The following PTCHD4 variants were observed in gnomAD, a reference collection of about 807,000 sequenced individuals.
PTCHD4 encodes patched domain containing 4, also known as patched domain-containing protein 4.
Under a neutral mutation model 58.1 loss-of-function variants are expected in PTCHD4, and 33 were observed. That is an observed-to-expected ratio of 0.57 (90% confidence interval 0.43 to 0.76). The LOEUF (loss-of-function observed/expected upper bound fraction) is 0.76. PTCHD4 is among the 30% of genes least tolerant of loss of function. The pLI is 0.00. For missense variants in PTCHD4, 1,058 were observed against 1,027.1 expected (o/e 1.03, Z -0.41); for synonymous variants, 478 against 409.6 (o/e 1.17, Z -2.02).
At chr6:48,104,683 C>T (rs141187842) in intron 1 of PTCHD4, among the ~76,000 whole-genome samples, 1 of 152,146 alleles carries the variant, frequency 6.6e-6, no homozygotes, top group Non-Finnish European at 1.5e-5. Flanking sequence ...CAAGACCCAT[C>T]AGTGTGCTGT....
chr6:47,983,550 A>G (rs1383984195), intron 4 of PTCHD4, among the ~76,000 whole-genome samples: 1 of 152,188 alleles, frequency 6.6e-6, no homozygotes, highest in Non-Finnish European at 1.5e-5. Context: ...AATAACTAAG[A>G]TTTCCAAGTT....
intron 1 of PTCHD4, among the ~76,000 whole-genome samples, chr6:48,086,940 T>G (rs927330867): frequency 6.6e-6 from 1 of 152,180 alleles, no homozygotes; most frequent in Non-Finnish European, 1.5e-5. Flanking sequence ...ATAATGCCTT[T>G]AGTTACTATT....
At chr6:47,965,677 C>T (rs1249390426) in intron 4 of PTCHD4, among the ~76,000 whole-genome samples, 1 of 152,130 alleles carries the variant, frequency 6.6e-6, no homozygotes, top group Non-Finnish European at 1.5e-5. Flanking sequence ...ACCTGTAATT[C>T]CAGCACTTTG....
intron 1 of PTCHD4, among the ~76,000 whole-genome samples, chr6:48,107,854 T>G (rs1165992914): frequency 6.6e-6 from 1 of 152,222 alleles, no homozygotes; most frequent in Non-Finnish European, 1.5e-5. Flanking sequence ...GAAAAAATGT[T>G]CATCATCACT....
intron 4 of PTCHD4, among the ~76,000 whole-genome samples, chr6:47,919,804 G>A (rs1034322597): frequency 6.0e-4 from 92 of 152,170 alleles, no homozygotes; most frequent in South Asian, 2.1e-4. Flanking sequence ...AACAATTCTC[G>A]GTGTTCACTA....
intron 4 of PTCHD4, among the ~76,000 whole-genome samples, chr6:47,948,591 G>T (rs1285229971): frequency 3.9e-5 from 6 of 152,092 alleles, no homozygotes; most frequent in Non-Finnish European, 8.8e-5. Context: ...ATAAGAGAGG[G>T]AGCTGAAATT....
intron 3 of PTCHD4, among the ~76,000 whole-genome samples, chr6:48,009,556 C>T (rs76375889): frequency 0.06 from 9,191 of 152,250 alleles, 380 homozygotes; most frequent in African/African-American, 0.11. Flanking sequence ...GTACACTAAT[C>T]TTTCTAGGGT....
chr6:47,866,362 A>G lies in PTCHD4; in HGVS notation c.*11941T>C, dbSNP rs1763563106. On this transcript the variant is annotated 3_prime_UTR_variant, in exon 5 of 5. Transcript: ENST00000339488. The stretch of plus-strand genomic sequence containing the variant: ...GATATATTGATTTAAGTAGTCTGGC[A>G]TGAAGTCTGGGCATTGAGACTTTAA... 6.6e-6 allele frequency among the ~76,000 whole-genome samples: 1 copy of G among 151,924 alleles called. No individual in the cohort carries two copies. Among genetic ancestry groups the G allele is most frequent in the Non-Finnish European group, 1.5e-5 (1 of 67,892 alleles).
intron 4 of PTCHD4, among the ~76,000 whole-genome samples, chr6:48,007,930 G>A (rs545431064): frequency 2.0e-3 from 82 of 41,036 alleles, no homozygotes; most frequent in African/African-American, 9.6e-3. Flanking sequence ...GAATATGTGC[G>A]CGCGCGCACA....
chr6:47,945,016 C>A lies in PTCHD4; in HGVS notation c.898+63618G>T, dbSNP rs192656543. ...ATCATCAGTATAAGTAGATGCTAAG[C>A]AGGTGATAAAAATAAAGTGCCAAAT... is the stretch of plus-strand genomic sequence containing the variant. On this transcript the variant is annotated intron_variant, in intron 4 of 4. Coordinates refer to ENST00000339488, the MANE Select transcript of PTCHD4 (RefSeq NM_001384253.1). 2.3e-3 allele frequency among the ~76,000 whole-genome samples: 353 copies of A among 152,074 alleles called. 1 individual carries two copies. The highest frequency in any genetic ancestry group is 8.2e-3 in the African/African-American group (342 of 41,520).
Position 47,874,938 on chromosome 6 carries a change from A to T in PTCHD4, c.*3365T>A, listed in dbSNP as rs1046809379. Among the ~76,000 whole-genome samples, 1 of 151,830 alleles carries T rather than the reference A, an allele frequency of 6.6e-6. No homozygotes were observed. Among genetic ancestry groups the T allele is most frequent in the Non-Finnish European group, 1.5e-5 (1 of 67,844 alleles). On this transcript the variant is annotated 3_prime_UTR_variant, in exon 5 of 5. Transcript: ENST00000339488. ...TAAACGGTAAAAAATCTTTTAGCTG[A>T]TCTCTCTGTAATTTAGGTGAGTACC...
rs1763947307 is a variant in PTCHD4, at chr6:47,879,332, A to G, written c.1503T>C (p.Tyr501=). 6.2e-7 allele frequency: 1 copy of G among 1,613,280 alleles called. No individual in the cohort carries two copies. Among genetic ancestry groups the G allele is most frequent in the Non-Finnish European group, 8.5e-7 (1 of 1,179,602 alleles). The part of the protein sequence containing the change: ...LLASDSPSVS[Y]AMVQQKYFSN... ...TGAAATATTTCTGCTGAACCATGGC[A>G]TAGGAAACACTTGGCGAATCACTGG... The change falls in exon 5 of 5, where the codon TAT becomes TAC. Residue 501 remains tyrosine, a synonymous_variant. Coordinates refer to ENST00000339488, the MANE Select transcript of PTCHD4 (RefSeq NM_001384253.1).
intron 3 of PTCHD4, among the ~76,000 whole-genome samples, chr6:48,013,784 G>T (rs1406335279): frequency 6.6e-6 from 1 of 152,080 alleles, no homozygotes; most frequent in Non-Finnish European, 1.5e-5. Context: ...CTTAAAATGT[G>T]CAGCTATCTG....
chr6:47,866,713 A>G lies in PTCHD4; in HGVS notation c.*11590T>C, dbSNP rs777294241. ...ATGATTGCTGGTTTTGGGGAGCACC[A>G]CTATTATAATTAAAACTTTAACTAT... On this transcript the variant is annotated 3_prime_UTR_variant, in exon 5 of 5. Transcript: ENST00000339488. Among the ~76,000 whole-genome samples, 6 of 151,836 alleles carry G rather than the reference A, an allele frequency of 4.0e-5. No individual in the cohort carries two copies. The highest frequency in any genetic ancestry group is 1.2e-4 in the African/African-American group (5 of 41,400).
At position 48,057,171 on chromosome 6, in the gene PTCHD4, G is replaced by T. The variant is rs538857566; in HGVS notation, c.417+11059C>A. 2.8e-3 allele frequency among the ~76,000 whole-genome samples: 424 copies of T among 149,494 alleles called. 4 individuals are homozygous for T. Among genetic ancestry groups the T allele is most frequent in the Middle Eastern group, 6.9e-3 (2 of 288 alleles). On this transcript the variant is annotated intron_variant, in intron 3 of 4. Transcript: ENST00000339488. The stretch of plus-strand genomic sequence containing the variant: ...TCTCTCCCTCCCTCTTCTGGCGGCG[G>T]TTTTTTTTGTTTTTTTTTGTTTTTT...
intron 4 of PTCHD4, among the ~76,000 whole-genome samples, chr6:47,938,709 C>T (rs1171512584): frequency 6.6e-6 from 1 of 152,110 alleles, no homozygotes; most frequent in Non-Finnish European, 1.5e-5. Flanking sequence ...TTTTCTTCAA[C>T]CATATTCTGC....
intron 4 of PTCHD4, among the ~76,000 whole-genome samples, chr6:47,980,120 C>T (rs1767826790): frequency 6.6e-6 from 1 of 151,782 alleles, no homozygotes; most frequent in Non-Finnish European, 1.5e-5. Context: ...AAAGTATTTC[C>T]CTGCAATAAC....
At position 47,877,621 on chromosome 6, in the gene PTCHD4, G is replaced by A. The variant is rs575473232; in HGVS notation, c.*682C>T. ...AGTTGAATGACACACTGACTGCTGA[G>A]ACACTTGGGTTGATTTAGAACGGCT... On this transcript the variant is annotated 3_prime_UTR_variant, in exon 5 of 5. Coordinates refer to ENST00000339488, the MANE Select transcript of PTCHD4 (RefSeq NM_001384253.1). 2.0e-5 allele frequency among the ~76,000 whole-genome samples: 3 copies of A among 152,132 alleles called. No individual in the cohort carries two copies. In the East Asian group the frequency reaches 5.8e-4, roughly 30 times the overall value.
At chr6:47,982,859 G>A (rs1041034108) in intron 4 of PTCHD4, among the ~76,000 whole-genome samples, 1 of 152,116 alleles carries the variant, frequency 6.6e-6, no homozygotes, top group Non-Finnish European at 1.5e-5. Context: ...TAAGAATTTT[G>A]AATGAAGTAA....
Sources: allele counts gnomAD v4.1 joint callset (sites outside exome capture counted in the v4.1 genomes callset), GRCh38; gene constraint gnomAD v4.1.1; transcripts MANE v1.5; gene names NCBI Gene and HGNC (gene_info 2026-07-23, HGNC 2026-07-21).